ZC3H12B: variants seen among roughly 807,000 people sequenced by gnomAD.
The protein encoded by ZC3H12B is probable ribonuclease ZC3H12B.
Under a neutral mutation model 43.9 loss-of-function variants are expected in ZC3H12B, and 7 were observed. The observed-to-expected ratio is 0.16, with a 90% CI of 0.09 to 0.30. ZC3H12B has a LOEUF of 0.30. ZC3H12B is among the 10% of genes least tolerant of loss of function. The pLI, the probability that ZC3H12B is intolerant of heterozygous loss-of-function variation, is 1.00. For missense variants in ZC3H12B, 475 were observed against 670.2 expected (o/e 0.71, Z 3.22); for synonymous variants, 222 against 241.7 (o/e 0.92, Z 0.76).
At chrX:65,279,304 T>TTC in the ZC3H12B span, among the ~76,000 whole-genome samples, 1 of 109,717 alleles carries the variant, frequency 9.1e-6, no homozygotes, top group Non-Finnish European at 1.9e-5. Flanking sequence ...CAGCATTTTT[T>TTC]TTTTTTTTTT....
the ZC3H12B span, among the ~76,000 whole-genome samples, chrX:65,246,471 G>C: frequency 9.0e-6 from 1 of 111,574 alleles, no homozygotes; most frequent in Non-Finnish European, 1.9e-5. Flanking sequence ...TAAGCAAAAA[G>C]AATAAAGCTG....
intron 3 of ZC3H12B, among the ~76,000 whole-genome samples, chrX:65,453,931 G>A (rs962255997): frequency 8.9e-5 from 10 of 111,776 alleles, no homozygotes; most frequent in Non-Finnish European, 1.7e-4. Context: ...ATGGGAGGGG[G>A]GTGAGAGACA....
At chrX:65,493,620 T>A (rs891706958) in intron 1 of ZC3H12B, among the ~76,000 whole-genome samples, 2 of 111,324 alleles carry the variant, frequency 1.8e-5, no homozygotes, top group African/African-American at 6.5e-5. Context: ...GCCCAAACAT[T>A]TGAACCCCAG....
chrX:65,235,666 C>T, the ZC3H12B span, among the ~76,000 whole-genome samples: 1 of 111,343 alleles, frequency 9.0e-6, no homozygotes, highest in East Asian at 2.8e-4. Context: ...AACTTGGGCG[C>T]CTGTATCTAT....
the ZC3H12B span, among the ~76,000 whole-genome samples, chrX:65,222,426 G>T: frequency 9.1e-6 from 1 of 110,144 alleles, no homozygotes; most frequent in Non-Finnish European, 1.9e-5. Flanking sequence ...ATTTGCTGAT[G>T]ACATGTATTT....
intron 3 of ZC3H12B, among the ~76,000 whole-genome samples, chrX:65,465,416 C>T (rs2067804683): frequency 9.0e-6 from 1 of 111,004 alleles, no homozygotes; most frequent in Non-Finnish European, 1.9e-5. Context: ...CTAGTATAGC[C>T]ATTCCAGCTC....
rs150906334 is a variant in ZC3H12B at position 65,446,525 on chromosome X, G to C, written n.408-42121G>C. Among the ~76,000 whole-genome samples, 871 of 111,902 alleles carry C rather than the reference G, an allele frequency of 7.8e-3. 10 individuals carry two copies. Among genetic ancestry groups the C allele is most frequent in the African/African-American group, 0.027 (822 of 30,808 alleles). On this transcript the variant is annotated intron_variant and non_coding_transcript_variant, in intron 3 of 5. Coordinates refer to the ZC3H12B transcript ENST00000617377. The stretch of plus-strand genomic sequence containing the variant: ...GGCTAGCCAGAACTCAGGTTCCAAT[G>C]GTTGGGTGGGATAGATGATTCCTTT...
chrX:65,261,158 G>GT, the ZC3H12B span, among the ~76,000 whole-genome samples: 1 of 111,571 alleles, frequency 9.0e-6, no homozygotes, highest in Non-Finnish European at 1.9e-5. Context: ...AGCATCAGAG[G>GT]TGTTGTAGAG....
chrX:65,107,120 T>C, the ZC3H12B span, among the ~76,000 whole-genome samples: 1 of 111,292 alleles, frequency 9.0e-6, no homozygotes, highest in Non-Finnish European at 1.9e-5. Context: ...GGGAGTATGT[T>C]AAAGAGTGCA....
the ZC3H12B span, among the ~76,000 whole-genome samples, chrX:65,199,275 A>G: frequency 9.2e-6 from 1 of 108,134 alleles, no homozygotes; most frequent in Admixed American, 1.0e-4. Flanking sequence ...TTAAGAGACT[A>G]TGATGCATTC....
chrX:65,451,562 G>C (rs765075600), intron 3 of ZC3H12B, among the ~76,000 whole-genome samples: 1 of 110,838 alleles, frequency 9.0e-6, no homozygotes, highest in Admixed American at 9.7e-5. Context: ...GGCTGCTTTT[G>C]AACTCAGCCT....
the ZC3H12B span, among the ~76,000 whole-genome samples, chrX:65,066,875 C>T: frequency 2.7e-5 from 3 of 111,869 alleles, no homozygotes; most frequent in South Asian, 3.7e-4. Context: ...CTGGCTACAG[C>T]GGCTTTGCTG....
At chrX:65,157,109 G>T in the ZC3H12B span, among the ~76,000 whole-genome samples, 1 of 110,935 alleles carries the variant, frequency 9.0e-6, no homozygotes, top group Admixed American at 9.7e-5. Context: ...AGCCTCCCAA[G>T]TAGCTGAGAC....
chrX:65,221,581 G>A, the ZC3H12B span, among the ~76,000 whole-genome samples: 3 of 110,697 alleles, frequency 2.7e-5, no homozygotes, highest in African/African-American at 9.8e-5. Flanking sequence ...ACACAAACTA[G>A]AAAACCTAGA....
At chrX:65,280,285 T>C in the ZC3H12B span, among the ~76,000 whole-genome samples, 1 of 112,436 alleles carries the variant, frequency 8.9e-6, no homozygotes, top group Non-Finnish European at 1.9e-5. Context: ...AGCAATAGAA[T>C]TATGAACAAA....
At chrX:65,372,030 A>G (rs2066251772) in intron 2 of ZC3H12B, among the ~76,000 whole-genome samples, 1 of 112,053 alleles carries the variant, frequency 8.9e-6, no homozygotes, top group African/African-American at 3.2e-5. Context: ...AGCAACAATA[A>G]AAGCCACCAA....
chrX:65,248,579 C>G, the ZC3H12B span, among the ~76,000 whole-genome samples: 1 of 111,665 alleles, frequency 9.0e-6, no homozygotes, highest in African/African-American at 3.3e-5. Context: ...GATCTCTGCT[C>G]TCATGGAGAC....
chrX:65,476,175 C>T lies in ZC3H12B; in HGVS notation n.408-12471C>T, dbSNP rs922806344. On this transcript the variant is annotated intron_variant and non_coding_transcript_variant, in intron 3 of 5. Coordinates refer to the ZC3H12B transcript ENST00000617377. ...TCCCTAGATTTGGAAAGTCTTCTTTCATTTATTTCTTTAAATGAGATTTCT... is the reference window on the plus strand; with the variant it reads ...TCCCTAGATTTGGAAAGTCTTCTTTTATTTATTTCTTTAAATGAGATTTCT... 3.6e-5 allele frequency among the ~76,000 whole-genome samples: 4 copies of T among 111,879 alleles called. No homozygotes were observed. The Admixed American group carries it at 3.8e-4, about 11-fold the overall frequency.
At chrX:65,111,905 T>A in the ZC3H12B span, among the ~76,000 whole-genome samples, 1 of 111,349 alleles carries the variant, frequency 9.0e-6, no homozygotes, top group Admixed American at 9.6e-5. Flanking sequence ...GGCCTCTAAA[T>A]GTTCAAGTGA....
Sources: allele counts gnomAD v4.1 joint callset (sites outside exome capture counted in the v4.1 genomes callset), GRCh38; gene constraint gnomAD v4.1.1; transcripts MANE v1.5; gene names NCBI Gene and HGNC (gene_info 2026-07-23, HGNC 2026-07-21).